The following CDCP2 variants were observed in gnomAD, a reference collection of about 807,000 sequenced individuals.
CDCP2 encodes the protein CUB domain containing protein 2, also known as CUB domain-containing protein 2.
Under a neutral mutation model 31.0 loss-of-function variants are expected in CDCP2, and 31 were observed. The observed-to-expected ratio is 1.00, with a 90% CI of 0.75 to 1.35. The LOEUF (loss-of-function observed/expected upper bound fraction) is 1.35. Ranked by LOEUF, CDCP2 falls within the 40% of genes most tolerant of loss-of-function variation. CDCP2 has a pLI of 0.00. For missense variants in CDCP2, 443 were observed against 482.6 expected (o/e 0.92, Z 0.77); for synonymous variants, 206 against 207.9 (o/e 0.99, Z 0.08).
exon 2 of CDCP2, chr1:54,144,674 A>G (rs1411773869): frequency 1.9e-6 from 3 of 1,614,120 alleles, no homozygotes; most frequent in East Asian, 2.2e-5. Flanking sequence ...GGTCAAAGGC[A>G]TGGAAGGTGA....
chr1:54,145,459 A>C (rs572417402), intron 1 of CDCP2, among the ~76,000 whole-genome samples: 1 of 152,082 alleles, frequency 6.6e-6, no homozygotes, highest in African/African-American at 2.4e-5. Context: ...AAAGAAATAC[A>C]TATATAGTAT....
intron 3 of CDCP2, chr1:54,140,512 C>G: frequency 1.1e-5 from 3 of 281,248 alleles, no homozygotes; most frequent in Non-Finnish European, 2.0e-5. Flanking sequence ...ATACCAAACA[C>G]TCTCTGCCCT....
At chr1:54,137,442 C>A (rs1374994211) in intron 4 of CDCP2, among the ~76,000 whole-genome samples, 2 of 152,162 alleles carry the variant, frequency 1.3e-5, no homozygotes, top group Admixed American at 1.3e-4. Flanking sequence ...GTAAGGGAAG[C>A]CTCACTTTCC....
At chr1:54,139,882 G>T (rs756940318) in exon 4 of CDCP2, 7 of 1,614,016 alleles carry the variant, frequency 4.3e-6, no homozygotes, top group South Asian at 2.2e-5. Context: ...CCCAGCAGGG[G>T]TGCCTCCTCG....
intron 4 of CDCP2, chr1:54,139,232 A>G: frequency 2.8e-6 from 1 of 361,814 alleles, no homozygotes; most frequent in Non-Finnish European, 5.0e-6. Flanking sequence ...AGAGAGTCCC[A>G]GAGATAACAT....
At position 54,133,962 on chromosome 1, in the gene CDCP2, A is replaced by G. The variant is rs578124695; in HGVS notation, c.1297-668T>C. On this transcript the variant is annotated intron_variant, in intron 5 of 5. Coordinates refer to ENST00000530059, the Ensembl canonical transcript of CDCP2. ...GAGGAAACTAAGGCCCCGAGGTTAA[A>G]TCCCTTGCCTGAGGTCACACAGCAT... Among the ~76,000 whole-genome samples, 9 of 152,192 alleles carry G rather than the reference A, an allele frequency of 5.9e-5. No individual in the cohort carries two copies. In the East Asian group the frequency reaches 1.5e-3, roughly 26 times the overall value.
chr1:54,141,581 G>A, intron 2 of CDCP2, 148 bp from the exon 3 acceptor site: 1 of 661,106 alleles, frequency 1.5e-6, no homozygotes, highest in Non-Finnish European at 2.6e-6. Context: ...TACCCAAGTA[G>A]CAAGTGTAGC....
intron 1 of CDCP2, among the ~76,000 whole-genome samples, chr1:54,146,838 A>C (rs1659480579): frequency 6.6e-6 from 1 of 151,658 alleles, no homozygotes; most frequent in Non-Finnish European, 1.5e-5. Context: ...TCATGCCTGT[A>C]ATCCCAGTGG....
At chr1:54,133,741 A>AT (rs1439433176) in intron 5 of CDCP2, among the ~76,000 whole-genome samples, 1 of 151,852 alleles carries the variant, frequency 6.6e-6, no homozygotes, top group East Asian at 1.9e-4. Context: ...CTAAAAATAC[A>AT]AAAAATTAGC....
chr1:54,152,393 G>A (rs1378850552), intron 1 of CDCP2, among the ~76,000 whole-genome samples: 2 of 152,060 alleles, frequency 1.3e-5, no homozygotes, highest in Non-Finnish European at 2.9e-5. Context: ...GAACCTGGGA[G>A]GTGGAGGTTG....
intron 2 of CDCP2, 139 bp from the exon 3 acceptor site, chr1:54,141,572 A>C (rs1659376771): frequency 1.4e-6 from 1 of 706,096 alleles, no homozygotes; most frequent in Non-Finnish European, 2.4e-6. Flanking sequence ...AGCACCTGCT[A>C]CCCAAGTAGC....
At chr1:54,144,412 A>C in intron 2 of CDCP2, 54 bp downstream of exon 2, 2 of 1,466,782 alleles carry the variant, frequency 1.4e-6, no homozygotes, top group South Asian at 2.7e-5. Flanking sequence ...TTGCCAAAGC[A>C]CCAGGATTAC....
chr1:54,143,398 G>A (rs900710927), intron 2 of CDCP2: 4 of 144,224 alleles, frequency 2.8e-5, no homozygotes, highest in African/African-American at 1.0e-4. Context: ...CTAAAACATT[G>A]CCTTTATTTT....
intron 5 of CDCP2, 110 bp from the exon 6 acceptor site, chr1:54,133,404 T>C (rs1230834241): frequency 7.5e-6 from 3 of 397,602 alleles, no homozygotes; most frequent in South Asian, 2.8e-4. Context: ...GGAGCCTGTG[T>C]TCTAGTCCTA....
exon 2 of CDCP2, chr1:54,144,644 G>A: frequency 6.2e-7 from 1 of 1,613,458 alleles, no homozygotes; most frequent in Non-Finnish European, 8.5e-7. Context: ...AGTCGAAGCT[G>A]CAGGTGTCGT....
At chr1:54,151,087 G>C (rs568035349) in intron 1 of CDCP2, among the ~76,000 whole-genome samples, 2 of 152,212 alleles carry the variant, frequency 1.3e-5, no homozygotes, top group South Asian at 4.1e-4. Flanking sequence ...ATTTCCAGAG[G>C]GGGTGATATT....
At position 54,144,848 on chromosome 1, in the gene CDCP2, G is replaced by A. The variant is rs191129507; in HGVS notation, c.80-35C>T. 21 of 1,526,782 alleles carry A rather than the reference G, an allele frequency of 1.4e-5. No individual in the cohort carries two copies. The East Asian group carries it at 4.0e-4, about 29-fold the overall frequency. 94.6% of individuals were successfully genotyped at this position (1,526,782 alleles called of 1,614,324 possible). ...GAGAGAAGTATGGCTGAGACTCCGT[G>A]CTGGGGTCTTGGGTACATGTGGTAA... On this transcript the variant is annotated intron_variant, in intron 1 of 5. Transcript: ENST00000530059.
chr1:54,140,009 G>A, exon 4 of CDCP2: 1 of 1,614,048 alleles, frequency 6.2e-7, no homozygotes, highest in Non-Finnish European at 8.5e-7. Flanking sequence ...GGGGCAGGCG[G>A]ATGGTCCAGT....
chr1:54,140,983 T>G lies in CDCP2; in HGVS notation c.763+115A>C. On this transcript the variant is annotated intron_variant, in intron 3 of 5. Transcript: ENST00000530059. ...GCTAGAGCATTCCAGGCAGAGAGAG[T>G]GCAGAAAGCTCAAGGCTGCGGGGGG... 3 of 820,488 alleles carry G rather than the reference T, an allele frequency of 3.7e-6. No homozygotes were observed. The South Asian group carries it at 6.9e-5, about 19-fold the overall frequency. The allele number at this position is 820,488 out of a possible 1,614,324, so 50.8% of individuals were successfully genotyped here. A position where few individuals can be genotyped will look rare whatever the true frequency, so the allele number is the denominator to read the frequency against.
Sources: allele counts gnomAD v4.1 joint callset (sites outside exome capture counted in the v4.1 genomes callset), GRCh38; gene constraint gnomAD v4.1.1; transcripts MANE v1.5; gene names NCBI Gene and HGNC (gene_info 2026-07-23, HGNC 2026-07-21).